Variants in TSPAN12 observed in about 807,000 individuals in gnomAD.
TSPAN12 encodes the protein tetraspanin 12.
Under a neutral mutation model 39.2 loss-of-function variants are expected in TSPAN12, and 19 were observed. The observed-to-expected ratio is 0.49, with a 90% CI of 0.34 to 0.71. The LOEUF is 0.71. TSPAN12 is among the 30% of genes least tolerant of loss of function. The pLI is 0.01. For missense variants in TSPAN12, 314 were observed against 359.9 expected (o/e 0.87, Z 1.03); for synonymous variants, 119 against 124.8 (o/e 0.95, Z 0.31).
At chr7:120,832,032 T>C (rs1794399669) in intron 4 of TSPAN12, among the ~76,000 whole-genome samples, 1 of 152,122 alleles carries the variant, frequency 6.6e-6, no homozygotes, top group Admixed American at 6.6e-5. Context: ...TGAGTAGATA[T>C]GTTTCTATTA....
intron 2 of TSPAN12, among the ~76,000 whole-genome samples, chr7:120,847,015 CA>C (rs1276028611): frequency 6.6e-6 from 1 of 152,098 alleles, no homozygotes; most frequent in Non-Finnish European, 1.5e-5. Context: ...AAAAAGCAGG[CA>C]GGGGTGAGAC....
At chr7:120,841,266 A>C (rs1794573905) in intron 2 of TSPAN12, among the ~76,000 whole-genome samples, 2 of 152,220 alleles carry the variant, frequency 1.3e-5, no homozygotes, top group African/African-American at 4.8e-5. Flanking sequence ...ACTTGAATCA[A>C]ATCAATCCTC....
At position 120,788,120 on chromosome 7, in the gene TSPAN12, T is replaced by C. The variant is rs1408795787; in HGVS notation, c.*472A>G. 6.0e-6 allele frequency: 1 copy of C among 167,868 alleles called. No homozygotes were observed. Among genetic ancestry groups the C allele is most frequent in the Admixed American group, 5.7e-5 (1 of 17,400 alleles). 10.4% of individuals were successfully genotyped at this position (167,868 alleles called of 1,614,324 possible). On this transcript the variant is annotated 3_prime_UTR_variant, in exon 8 of 8. Coordinates refer to ENST00000222747, the MANE Select transcript of TSPAN12 (RefSeq NM_012338.4). ...CACCAATATTGAAAGTTTTCTGATA[T>C]ATAATTTATTTAGCATCAGAAGAAT...
At chr7:120,844,323 C>T (rs1286602486) in intron 2 of TSPAN12, among the ~76,000 whole-genome samples, 3 of 152,170 alleles carry the variant, frequency 2.0e-5, no homozygotes, top group African/African-American at 7.2e-5. Flanking sequence ...GTCCTTTTCA[C>T]ATTCCAAAAT....
intron 2 of TSPAN12, 117 bp downstream of exon 2, chr7:120,856,581 G>T: frequency 1.9e-6 from 2 of 1,026,096 alleles, no homozygotes; most frequent in East Asian, 2.5e-5. Context: ...GAAAAATAAA[G>T]GGTGTTATCC....
At chr7:120,854,161 A>G (rs971811598) in intron 2 of TSPAN12, among the ~76,000 whole-genome samples, 1 of 152,226 alleles carries the variant, frequency 6.6e-6, no homozygotes, top group Non-Finnish European at 1.5e-5. Context: ...TAGAAGTGCC[A>G]TATTACCAAC....
chr7:120,810,338 G>T, intron 6 of TSPAN12, 125 bp downstream of exon 6: 1 of 707,332 alleles, frequency 1.4e-6, no homozygotes, highest in Non-Finnish European at 2.6e-6. Flanking sequence ...TTGCACCAGA[G>T]GTTACTGAAT....
intron 4 of TSPAN12, among the ~76,000 whole-genome samples, chr7:120,829,829 A>G (rs1794358285): frequency 6.6e-6 from 1 of 152,164 alleles, no homozygotes; most frequent in Admixed American, 6.6e-5. Context: ...TCTAAAAACA[A>G]TCTATAATAA....
chr7:120,821,766 T>C (rs573267394), intron 4 of TSPAN12, among the ~76,000 whole-genome samples: 1 of 152,112 alleles, frequency 6.6e-6, no homozygotes, highest in African/African-American at 2.4e-5. Context: ...AGCAGACACT[T>C]AATATATGTT....
At chr7:120,797,094 T>G (rs1390181809) in intron 7 of TSPAN12, among the ~76,000 whole-genome samples, 1 of 152,196 alleles carries the variant, frequency 6.6e-6, no homozygotes, top group Non-Finnish European at 1.5e-5. Flanking sequence ...GAGGCGGAGC[T>G]TGCAGTGAGC....
chr7:120,820,289 T>C (rs1794164623), intron 4 of TSPAN12, among the ~76,000 whole-genome samples: 1 of 152,192 alleles, frequency 6.6e-6, no homozygotes, highest in African/African-American at 2.4e-5. Flanking sequence ...TTGTGTCAGT[T>C]TGCTTATCTG....
intron 2 of TSPAN12, among the ~76,000 whole-genome samples, chr7:120,843,378 AGAG>A (rs1175338538): frequency 6.6e-6 from 1 of 152,152 alleles, no homozygotes; most frequent in Non-Finnish European, 1.5e-5. Flanking sequence ...TCCATCCTCA[AGAG>A]GAGATGTTCT....
chr7:120,856,724 G>A lies in TSPAN12; in HGVS notation c.40C>T (p.Leu14Phe). 1.9e-6 allele frequency: 3 copies of A among 1,614,218 alleles called. No homozygotes were observed. Among genetic ancestry groups the A allele is most frequent in the Non-Finnish European group, 2.5e-6 (3 of 1,180,030 alleles). The change falls in exon 2 of 8, where the codon CTC (leucine) becomes TTC (phenylalanine). Residue 14 changes from leucine (L) to phenylalanine (F), a missense_variant. By Grantham distance (22) the Leu-to-Phe change is conservative. Coordinates refer to ENST00000222747, the MANE Select transcript of TSPAN12 (RefSeq NM_012338.4). ...EDSVKCLRCL[L>F]YALNLLFWLM... ...CAAAAGAGCAGATTGAGGGCGTAGAGCAGGCAGCGCAGACACTTCACGGAA... is the reference window on the plus strand; with the variant it reads ...CAAAAGAGCAGATTGAGGGCGTAGAACAGGCAGCGCAGACACTTCACGGAA...
At chr7:120,843,282 T>C (rs3823859) in intron 2 of TSPAN12, among the ~76,000 whole-genome samples, 59,720 of 152,122 alleles carry the variant, frequency 0.39, 14,102 homozygotes, top group African/African-American at 0.66. Context: ...GTTCTGCATA[T>C]ATATGCCAGA....
At chr7:120,837,014 G>A (rs1348363092) in intron 4 of TSPAN12, among the ~76,000 whole-genome samples, 1 of 152,132 alleles carries the variant, frequency 6.6e-6, no homozygotes, top group East Asian at 1.9e-4. Context: ...GGGAGGAAAT[G>A]GCAGTCAGAC....
chr7:120,827,976 T>A (rs1438825393), intron 4 of TSPAN12, among the ~76,000 whole-genome samples: 1 of 152,180 alleles, frequency 6.6e-6, no homozygotes, highest in Non-Finnish European at 1.5e-5. Flanking sequence ...TAATTTAGCT[T>A]AGTCAGTATA....
chr7:120,815,623 C>T, intron 5 of TSPAN12, 106 bp downstream of exon 5: 1 of 1,037,666 alleles, frequency 9.6e-7, no homozygotes, highest in East Asian at 2.6e-5. Context: ...ATTACCCAGT[C>T]TTGGGCAGTT....
intron 2 of TSPAN12, among the ~76,000 whole-genome samples, chr7:120,851,734 A>G (rs1794773442): frequency 6.6e-6 from 1 of 152,184 alleles, no homozygotes; most frequent in Non-Finnish European, 1.5e-5. Context: ...TCCTTACTCC[A>G]CCATGGAGAG....
chr7:120,844,345 T>A (rs938516944), intron 2 of TSPAN12, among the ~76,000 whole-genome samples: 14 of 152,192 alleles, frequency 9.2e-5, no homozygotes, highest in African/African-American at 2.9e-4. Flanking sequence ...CCATCATGCC[T>A]TTCCAACAGT....
Sources: allele counts gnomAD v4.1 joint callset (sites outside exome capture counted in the v4.1 genomes callset), GRCh38; gene constraint gnomAD v4.1.1; transcripts MANE v1.5; gene names NCBI Gene and HGNC (gene_info 2026-07-23, HGNC 2026-07-21).